Variants in BBX observed in about 807,000 individuals in gnomAD.
The protein encoded by BBX is BBX high mobility group box domain containing.
Under a neutral mutation model 100.2 loss-of-function variants are expected in BBX, and 30 were observed. The ratio of observed to expected loss-of-function variants is 0.30; its 90% confidence interval spans 0.22 to 0.41. BBX has a LOEUF of 0.41. BBX is among the 10% of genes least tolerant of loss of function. BBX has a pLI of 1.00. For synonymous variants in BBX, 376 were observed against 388.1 expected (o/e 0.97, Z 0.37); for missense variants, 1,023 against 1,129.8 (o/e 0.91, Z 1.35).
chr3:107,664,704 A>G (rs187757828), intron 3 of BBX, among the ~76,000 whole-genome samples: 95 of 152,346 alleles, frequency 6.2e-4, no homozygotes, highest in African/African-American at 2.2e-3. Context: ...TTCTCTTGCA[A>G]TAAATGAAAA....
At chr3:107,672,348 C>T (rs2059062255) in intron 3 of BBX, among the ~76,000 whole-genome samples, 1 of 151,926 alleles carries the variant, frequency 6.6e-6, no homozygotes, top group Non-Finnish European at 1.5e-5. Context: ...TATTTTATAA[C>T]CCTGTGATAC....
At chr3:107,804,641 C>T (rs1353713040) in intron 17 of BBX, among the ~76,000 whole-genome samples, 1 of 152,042 alleles carries the variant, frequency 6.6e-6, no homozygotes, top group East Asian at 1.9e-4. Flanking sequence ...TGAAAATTTC[C>T]ATGAATTTTC....
chr3:107,731,982 T>C (rs1244369145), intron 6 of BBX, among the ~76,000 whole-genome samples: 1 of 152,220 alleles, frequency 6.6e-6, no homozygotes, highest in Non-Finnish European at 1.5e-5. Context: ...TGAATTTTAA[T>C]TCAAGATAGA....
intron 2 of BBX, among the ~76,000 whole-genome samples, chr3:107,605,415 A>C (rs1331193377): frequency 6.6e-6 from 1 of 151,846 alleles, no homozygotes; most frequent in Admixed American, 6.6e-5. Context: ...TAAACCCCAC[A>C]GCATTTTAAC....
chr3:107,653,534 G>T (rs1157379988), intron 3 of BBX, among the ~76,000 whole-genome samples: 1 of 152,156 alleles, frequency 6.6e-6, no homozygotes, highest in South Asian at 2.1e-4. Context: ...CTATGAAGCT[G>T]ATAGACAAGA....
intron 2 of BBX, among the ~76,000 whole-genome samples, chr3:107,565,267 T>C (rs2050793940): frequency 6.6e-6 from 1 of 151,856 alleles, no homozygotes; most frequent in Admixed American, 6.6e-5. Flanking sequence ...AAAAGTTGTG[T>C]CAGCCTGTTC....
intron 2 of BBX, among the ~76,000 whole-genome samples, chr3:107,581,113 A>G (rs952282942): frequency 1.4e-4 from 22 of 152,176 alleles, no homozygotes; most frequent in Admixed American, 1.4e-3. Flanking sequence ...ACAATCTTGT[A>G]TTTAACTAGG....
intron 12 of BBX, chr3:107,776,155 G>A (rs1257496747): frequency 6.6e-6 from 1 of 152,160 alleles, no homozygotes; most frequent in Non-Finnish European, 1.5e-5. Context: ...TCTGCTCACT[G>A]AGAGAGGAGC....
rs150306173 is a variant in BBX at position 107,588,900 on chromosome 3, C to T, written c.-83-56936C>T. ...TTTATTTATTTTAATTTTAAAATTA[C>T]GTATTTAGTCTACTAATCAACACCC... is the stretch of plus-strand genomic sequence containing the variant. On this transcript the variant is annotated intron_variant, in intron 2 of 17. Coordinates refer to ENST00000325805, the MANE Select transcript of BBX (RefSeq NM_001142568.3). Among the ~76,000 whole-genome samples, 116 of 152,128 alleles carry T rather than the reference C, an allele frequency of 7.6e-4. 2 individuals are homozygous for T. The East Asian group carries it at 0.019, about 24-fold the overall frequency.
At chr3:107,538,586 AT>A (rs1160145347) in intron 2 of BBX, among the ~76,000 whole-genome samples, 2 of 152,030 alleles carry the variant, frequency 1.3e-5, no homozygotes, top group Non-Finnish European at 2.9e-5. Flanking sequence ...CTATATATAT[AT>A]TTTTTGATAT....
At chr3:107,730,913 G>T (rs2063275855) in intron 6 of BBX, among the ~76,000 whole-genome samples, 1 of 152,174 alleles carries the variant, frequency 6.6e-6, no homozygotes, top group Non-Finnish European at 1.5e-5. Context: ...GAATCTAGGA[G>T]ATAATAGAGG....
At chr3:107,798,484 GT>G (rs1559786874) in intron 15 of BBX, 38 bp from the exon 16 acceptor site, 2 of 1,594,782 alleles carry the variant, frequency 1.3e-6, no homozygotes, top group Non-Finnish European at 1.7e-6. Context: ...GGTGCCTTCT[GT>G]TTTTGTGCAT....
chr3:107,725,406 C>G (rs1419217961), intron 5 of BBX, among the ~76,000 whole-genome samples: 1 of 152,118 alleles, frequency 6.6e-6, no homozygotes, highest in Non-Finnish European at 1.5e-5. Context: ...TTATTTCTTT[C>G]TCCTGCCTGA....
rs1305340083 is a variant in BBX, at chr3:107,690,891, C to CTTTTTTTTTTT, written c.-9-19561_-9-19560insTTTTTTTTTTT. Among the ~76,000 whole-genome samples, 12 of 72,310 alleles carry CTTTTTTTTTTT rather than the reference C, an allele frequency of 1.7e-4. 1 individual carries two copies. Among genetic ancestry groups the CTTTTTTTTTTT allele is most frequent in the Non-Finnish European group, 2.4e-4 (9 of 36,822 alleles). The allele number at this position is 72,310 out of a possible 152,430, so 47.4% of individuals were successfully genotyped here. ...ATGTTCTCACTTTGATGCCCCCCCC[C>CTTTTTTTTTTT]CTTTTTTTTTTTTTTTTTTTTTTTT... On this transcript the variant is annotated intron_variant, in intron 3 of 17. Coordinates refer to ENST00000325805, the MANE Select transcript of BBX (RefSeq NM_001142568.3).
chr3:107,778,586 T>G, intron 13 of BBX, 67 bp downstream of exon 13: 1 of 1,525,886 alleles, frequency 6.6e-7, no homozygotes, highest in East Asian at 2.3e-5. Flanking sequence ...GCCAAGCTTT[T>G]AGCTCCCTTT....
At chr3:107,702,114 C>G (rs1266249845) in intron 3 of BBX, among the ~76,000 whole-genome samples, 10 of 152,176 alleles carry the variant, frequency 6.6e-5, no homozygotes, top group Non-Finnish European at 8.8e-5. Context: ...GGTCAGAACA[C>G]AGGAGCAGCC....
intron 3 of BBX, among the ~76,000 whole-genome samples, chr3:107,709,531 T>A (rs2061589541): frequency 6.6e-6 from 1 of 152,248 alleles, no homozygotes; most frequent in Admixed American, 6.5e-5. Context: ...ATGAACCATT[T>A]AAACCAATGG....
At chr3:107,676,495 G>A (rs932297892) in intron 3 of BBX, among the ~76,000 whole-genome samples, 30 of 152,156 alleles carry the variant, frequency 2.0e-4, no homozygotes, top group Admixed American at 5.2e-4. Context: ...TTTAGAACAA[G>A]TGAGTTTGTT....
chr3:107,526,580 GTTATTA>G (rs1192622468), intron 2 of BBX, 182 bp downstream of exon 2: 6 of 385,688 alleles, frequency 1.6e-5, no homozygotes, highest in Non-Finnish European at 2.7e-5. Context: ...TCAGCTGTGG[GTTATTA>G]TTAAGATAGT....
Sources: gnomAD v4.1 joint callset for allele counts (sites outside exome capture counted in the v4.1 genomes callset) on GRCh38, gnomAD v4.1.1 for gene constraint, MANE v1.5 for transcripts, NCBI Gene and HGNC (gene_info 2026-07-23, HGNC 2026-07-21) for gene names.